Variants in THOC2 observed in about 807,000 individuals in gnomAD.
THOC2 encodes the protein THO complex 2.
A neutral mutation model predicts 128.4 loss-of-function variants in THOC2; 10 were observed. The ratio of observed to expected loss-of-function variants is 0.08; its 90% confidence interval spans 0.05 to 0.13. The LOEUF (loss-of-function observed/expected upper bound fraction) is 0.13. Among genes scored for constraint, THOC2 ranks in the 10% least tolerant of loss-of-function variants. The probability of loss-of-function intolerance (pLI) is 1.00; values close to 1 mark genes in which losing one functional copy is unlikely to be tolerated. For missense variants in THOC2, 535 were observed against 1,155.7 expected (o/e 0.46, Z 7.79); for synonymous variants, 393 against 396.9 (o/e 0.99, Z 0.12).
chrX:123,644,278 C>T (rs2048039325), intron 15 of THOC2, among the ~76,000 whole-genome samples: 1 of 111,823 alleles, frequency 8.9e-6, no homozygotes, highest in Middle Eastern at 4.2e-3. Context: ...CCACAGCAGG[C>T]TGTCCTTAAA....
At chrX:123,714,803 A>G (rs2051336432) in intron 1 of THOC2, among the ~76,000 whole-genome samples, 1 of 111,616 alleles carries the variant, frequency 9.0e-6, no homozygotes, top group Admixed American at 9.6e-5. Flanking sequence ...TCCAAACACA[A>G]TGGAATAAAA....
At chrX:123,654,191 T>C (rs2048474309) in intron 12 of THOC2, among the ~76,000 whole-genome samples, 1 of 108,909 alleles carries the variant, frequency 9.2e-6, no homozygotes, top group Admixed American at 9.9e-5. Flanking sequence ...CATTCGTAAG[T>C]GGGAGTTGAA....
chrX:123,700,689 C>T (rs2050668087), intron 4 of THOC2, among the ~76,000 whole-genome samples: 2 of 111,720 alleles, frequency 1.8e-5, no homozygotes, highest in African/African-American at 3.2e-5. Context: ...GACCCAGGTT[C>T]AAATTCTGCC....
intron 38 of THOC2, chrX:123,603,126 G>A (rs1460775776): frequency 9.1e-6 from 1 of 110,319 alleles, no homozygotes; most frequent in Non-Finnish European, 1.9e-5. Flanking sequence ...TGGTATCACA[G>A]TATGGCCATT....
chrX:123,730,182 G>GTT (rs35214295), intron 1 of THOC2, among the ~76,000 whole-genome samples: 12 of 92,610 alleles, frequency 1.3e-4, no homozygotes, highest in East Asian at 3.4e-4. Flanking sequence ...TTGGGTTTTT[G>GTT]TTTTTTTTTT....
At chrX:123,606,854 A>C (rs771200602) in intron 38 of THOC2, among the ~76,000 whole-genome samples, 1 of 111,542 alleles carries the variant, frequency 9.0e-6, no homozygotes, top group East Asian at 2.8e-4. Context: ...TCAAAGTCCT[A>C]CATCCAAAAT....
chrX:123,658,760 T>C (rs951580589), intron 12 of THOC2, among the ~76,000 whole-genome samples: 2 of 111,817 alleles, frequency 1.8e-5, no homozygotes, highest in African/African-American at 6.5e-5. Flanking sequence ...TTCTATACAT[T>C]TGATGAGATC....
intron 1 of THOC2, among the ~76,000 whole-genome samples, chrX:123,714,405 T>C (rs1034953008): frequency 3.6e-5 from 4 of 112,343 alleles, no homozygotes; most frequent in African/African-American, 9.7e-5. Context: ...GCTATGCTTA[T>C]ATTAGACAAA....
intron 4 of THOC2, among the ~76,000 whole-genome samples, chrX:123,702,255 C>T (rs980406554): frequency 2.7e-5 from 3 of 110,081 alleles, no homozygotes; most frequent in South Asian, 3.9e-4. Flanking sequence ...GGCAACATAG[C>T]GAGACTCTGC....
chrX:123,677,737 G>A (rs751607804), intron 8 of THOC2, among the ~76,000 whole-genome samples: 6 of 109,551 alleles, frequency 5.5e-5, no homozygotes, highest in Non-Finnish European at 9.5e-5. Flanking sequence ...AGGCTTAGTG[G>A]CAGGCGCCTG....
At chrX:123,703,363 T>C in intron 4 of THOC2, 91 bp downstream of exon 4, 1 of 579,965 alleles carries the variant, frequency 1.7e-6, no homozygotes, top group Non-Finnish European at 2.7e-6. Context: ...GCAGAAACAT[T>C]TGTAAAATTC....
Position 123,622,845 on chromosome X carries a change from C to T in THOC2, c.3698G>A (p.Arg1233Lys). 2 of 1,188,113 alleles carry T rather than the reference C, an allele frequency of 1.7e-6. No individual in the cohort carries two copies. The highest frequency in any genetic ancestry group is 2.3e-6 in the Non-Finnish European group (2 of 878,731). The change falls in exon 30 of 39, where the codon AGA becomes AAA. Residue 1233 changes from arginine (R) to lysine (K), a missense_variant. Transcript: ENST00000245838. ...STEETDKSRERSQCGVKAVNK... is the reference protein window; with the variant it reads ...STEETDKSREKSQCGVKAVNK... The stretch of plus-strand genomic sequence containing the variant: ...AACAGCTTTCACACCACACTGAGAT[C>T]TCTCCCTTGATTTATCTGAAATAAA...
At chrX:123,685,186 T>G (rs2147867174) in intron 8 of THOC2, among the ~76,000 whole-genome samples, 1 of 112,617 alleles carries the variant, frequency 8.9e-6, no homozygotes, top group East Asian at 2.8e-4. Context: ...CCATAGGAAT[T>G]AGTAAAACAT....
chrX:123,700,352 T>C (rs920142562), intron 4 of THOC2, among the ~76,000 whole-genome samples: 1 of 106,861 alleles, frequency 9.4e-6, no homozygotes, highest in Non-Finnish European at 1.9e-5. Context: ...AATACAAAAA[T>C]TAGCTAGGCG....
intron 8 of THOC2, 60 bp from the exon 9 acceptor site, chrX:123,671,821 C>T: frequency 3.0e-6 from 2 of 658,377 alleles, no homozygotes; most frequent in Non-Finnish European, 4.6e-6. Context: ...AAGCAATATC[C>T]TTCACCTACC....
chrX:123,681,374 T>TG (rs1174372838), intron 8 of THOC2, among the ~76,000 whole-genome samples: 9 of 83,461 alleles, frequency 1.1e-4, no homozygotes, highest in African/African-American at 4.1e-4. Context: ...GGAAAGGTGG[T>TG]GGGGGGGTGG....
At chrX:123,726,388 A>G (rs2051988830) in intron 1 of THOC2, among the ~76,000 whole-genome samples, 1 of 110,060 alleles carries the variant, frequency 9.1e-6, no homozygotes, top group African/African-American at 3.3e-5. Flanking sequence ...GATGAGAAAG[A>G]AAGAGAAATA....
intron 33 of THOC2, among the ~76,000 whole-genome samples, chrX:123,617,898 G>A (rs2046952357): frequency 9.0e-6 from 1 of 111,421 alleles, no homozygotes; most frequent in Admixed American, 9.5e-5. Flanking sequence ...CTATATTGCA[G>A]TATATATTTA....
At chrX:123,660,927 T>C (rs1473330517) in intron 12 of THOC2, among the ~76,000 whole-genome samples, 2 of 111,710 alleles carry the variant, frequency 1.8e-5, no homozygotes, top group East Asian at 2.8e-4. Flanking sequence ...CATCAACTGA[T>C]GAATGAATAA....
Sources: gnomAD v4.1 joint callset for allele counts (sites outside exome capture counted in the v4.1 genomes callset) on GRCh38, gnomAD v4.1.1 for gene constraint, MANE v1.5 for transcripts, NCBI Gene and HGNC (gene_info 2026-07-23, HGNC 2026-07-21) for gene names.